CTNND2: variants seen among roughly 807,000 people sequenced by gnomAD.
The protein encoded by CTNND2 is catenin delta-2.
Under a neutral mutation model 144.4 loss-of-function variants are expected in CTNND2, and 22 were observed. The ratio of observed to expected loss-of-function variants is 0.15; its 90% confidence interval spans 0.11 to 0.22. The LOEUF is 0.22. Ranked by LOEUF, CTNND2 falls within the 10% of genes least tolerant of loss-of-function variation. The pLI is 1.00. For missense variants in CTNND2, 1,353 were observed against 1,618.8 expected (o/e 0.84, Z 2.82); for synonymous variants, 751 against 695.6 (o/e 1.08, Z -1.25).
At chr5:11,733,446 T>C (rs1787507954) in intron 1 of CTNND2, among the ~76,000 whole-genome samples, 1 of 152,150 alleles carries the variant, frequency 6.6e-6, no homozygotes, top group Non-Finnish European at 1.5e-5. Context: ...TCTGTGTTTG[T>C]TGTTGTTGTG....
chr5:11,091,721 T>C (rs1462094650), intron 15 of CTNND2, among the ~76,000 whole-genome samples: 1 of 152,230 alleles, frequency 6.6e-6, no homozygotes, highest in East Asian at 1.9e-4. Flanking sequence ...AAGACCCTAC[T>C]GACTATTCTC....
rs1435851981 is a variant in CTNND2, at chr5:11,847,126, TTTTATA to T, written c.37+56685_37+56690del. ...GGAAATAAAATCAGTATGTCAAAGA[TTTTATA>T]TATATATATATATATATATATATAT... On this transcript the variant is annotated intron_variant, in intron 1 of 21. Transcript: ENST00000304623. Among the ~76,000 whole-genome samples the T allele has an allele frequency of 3.3e-3, 344 of 105,456 alleles. 3 individuals carry two copies. Among genetic ancestry groups the T allele is most frequent in the African/African-American group, 6.9e-3 (221 of 31,828 alleles). 69.2% of individuals were successfully genotyped at this position (105,456 alleles called of 152,430 possible).
chr5:11,069,667 G>C, intron 16 of CTNND2, among the ~76,000 whole-genome samples: 1 of 33,036 alleles, frequency 3.0e-5, no homozygotes, highest in East Asian at 5.2e-3. Flanking sequence ...GAGAGAGACA[G>C]ACAGACAGAC....
chr5:11,052,190 G>C (rs1745905365), intron 16 of CTNND2, among the ~76,000 whole-genome samples: 2 of 152,132 alleles, frequency 1.3e-5, no homozygotes, highest in Non-Finnish European at 2.9e-5. Flanking sequence ...TGTACTACCT[G>C]TGCTTCTATT....
Position 11,110,900 on chromosome 5 carries a change from C to G in CTNND2, c.2421G>C (p.Gly807=). The change falls in exon 14 of 22, where the codon GGG becomes GGC. Residue 807 remains glycine (G), a synonymous_variant. Coordinates refer to ENST00000304623, the MANE Select transcript of CTNND2 (RefSeq NM_001332.4). ...TTTTCTTCTTCTTCTTGCCCCAGCA[C>G]CCAGAGCTCTCAGCATCCTTGCCAT... is the stretch of plus-strand genomic sequence containing the variant. ...EANGKDAESS[G]CWGKKKKKKK... is the part of the protein sequence containing the mutation. 1 of 1,614,062 alleles carries G rather than the reference C, an allele frequency of 6.2e-7. No homozygotes were observed. The highest frequency in any genetic ancestry group is 8.5e-7 in the Non-Finnish European group (1 of 1,180,010).
At chr5:11,056,218 T>A (rs1746339467) in intron 16 of CTNND2, among the ~76,000 whole-genome samples, 1 of 152,192 alleles carries the variant, frequency 6.6e-6, no homozygotes, top group Non-Finnish European at 1.5e-5. Context: ...AAATGGAGAA[T>A]CTAAATAAAT....
At chr5:11,030,115 A>G (rs780557066) in intron 16 of CTNND2, among the ~76,000 whole-genome samples, 23 of 152,058 alleles carry the variant, frequency 1.5e-4, no homozygotes, top group Non-Finnish European at 3.1e-4. Flanking sequence ...AAATCAGCTG[A>G]TAACCTTATT....
At chr5:11,867,880 G>T (rs1795847430) in intron 1 of CTNND2, among the ~76,000 whole-genome samples, 1 of 151,088 alleles carries the variant, frequency 6.6e-6, no homozygotes, top group African/African-American at 2.4e-5. Flanking sequence ...CAGAAACAGT[G>T]TAAGCAGCGC....
intron 11 of CTNND2, among the ~76,000 whole-genome samples, chr5:11,172,721 T>C (rs1210934313): frequency 1.3e-5 from 2 of 152,178 alleles, no homozygotes; most frequent in African/African-American, 4.8e-5. Context: ...TAAGAGAAGA[T>C]GCAGCGTGGA....
At chr5:11,500,357 TTAAAA>T (rs1343430116) in intron 3 of CTNND2, among the ~76,000 whole-genome samples, 5 of 152,174 alleles carry the variant, frequency 3.3e-5, no homozygotes, top group Admixed American at 6.5e-5. Context: ...ACATCAGTTA[TTAAAA>T]TAAATAATCC....
At chr5:11,803,867 T>TC (rs1420231258) in intron 1 of CTNND2, among the ~76,000 whole-genome samples, 2 of 152,090 alleles carry the variant, frequency 1.3e-5, no homozygotes, top group African/African-American at 2.4e-5. Context: ...CTTTTTTTTT[T>TC]CCACTCATTT....
At chr5:11,210,569 A>C (rs1216188181) in intron 10 of CTNND2, among the ~76,000 whole-genome samples, 1 of 152,176 alleles carries the variant, frequency 6.6e-6, no homozygotes, top group Non-Finnish European at 1.5e-5. Context: ...CTTCATTTGG[A>C]GAGGATAAGA....
chr5:11,430,248 CAAAAAAA>C (rs1307787997), intron 3 of CTNND2, among the ~76,000 whole-genome samples: 3 of 38,486 alleles, frequency 7.8e-5, no homozygotes, highest in South Asian at 1.9e-3. Context: ...GACTCCGTCT[CAAAAAAA>C]AAAAAAAAAA....
chr5:11,180,921 G>A (rs1459089242), intron 11 of CTNND2, among the ~76,000 whole-genome samples: 2 of 152,292 alleles, frequency 1.3e-5, no homozygotes, highest in African/African-American at 2.4e-5. Flanking sequence ...GAGCACTCCC[G>A]GTTGCCTGAG....
intron 1 of CTNND2, among the ~76,000 whole-genome samples, chr5:11,833,028 C>T (rs1474398134): frequency 4.6e-5 from 7 of 152,090 alleles, no homozygotes; most frequent in African/African-American, 1.4e-4. Flanking sequence ...GAAAGTAGAA[C>T]CCTTATACCT....
At chr5:11,131,886 A>G (rs759252305) in intron 12 of CTNND2, among the ~76,000 whole-genome samples, 51 of 152,332 alleles carry the variant, frequency 3.3e-4, no homozygotes, top group Non-Finnish European at 6.5e-4. Flanking sequence ...CTTGCAGGAT[A>G]TTTTAACAAA....
intron 3 of CTNND2, among the ~76,000 whole-genome samples, chr5:11,453,352 C>T (rs1765454837): frequency 6.6e-6 from 1 of 152,212 alleles, no homozygotes; most frequent in Admixed American, 6.5e-5. Flanking sequence ...GCACTAGAAG[C>T]TGTCCCAATG....
intron 3 of CTNND2, among the ~76,000 whole-genome samples, chr5:11,452,626 C>T (rs182716143): frequency 6.6e-6 from 1 of 152,254 alleles, no homozygotes; most frequent in African/African-American, 2.4e-5. Context: ...CTGAGTGACA[C>T]TAAGATTGTT....
chr5:11,679,134 AG>A (rs1247325497), intron 2 of CTNND2, among the ~76,000 whole-genome samples: 5 of 150,778 alleles, frequency 3.3e-5, no homozygotes, highest in Non-Finnish European at 5.9e-5. Flanking sequence ...CAGTGTGATC[AG>A]GGAGATAAGA....
Sources: allele counts gnomAD v4.1 joint callset (sites outside exome capture counted in the v4.1 genomes callset), GRCh38; gene constraint gnomAD v4.1.1; transcripts MANE v1.5; gene names NCBI Gene and HGNC (gene_info 2026-07-23, HGNC 2026-07-21).